TBX15: variants seen among roughly 807,000 people sequenced by gnomAD.
The protein encoded by TBX15 is T-box transcription factor TBX15.
TBX15 carries 18 observed loss-of-function variants against 53.9 expected under a neutral mutation model. The ratio of observed to expected loss-of-function variants is 0.33; its 90% confidence interval spans 0.23 to 0.49. The LOEUF (loss-of-function observed/expected upper bound fraction) is 0.49, where lower values mean the gene tolerates loss of function less well. Among genes scored for constraint, TBX15 ranks in the 20% least tolerant of loss-of-function variants. The pLI is 0.98. For synonymous variants in TBX15, 295 were observed against 278.0 expected, an observed-to-expected ratio of 1.06 and a Z score of -0.61; for missense variants, 692 against 749.5, an observed-to-expected ratio of 0.92 and a Z score of 0.90.
chr1:118,884,578 T>G lies in TBX15; in HGVS notation c.*154A>C, dbSNP rs1653853557. 5 of 916,560 alleles carry G rather than the reference T, an allele frequency of 5.5e-6. No individual in the cohort carries two copies. The African/African-American group carries it at 8.5e-5, about 16-fold the overall frequency. 56.8% of individuals were successfully genotyped at this position (916,560 alleles called of 1,614,324 possible). On this transcript the variant is annotated 3_prime_UTR_variant, in exon 8 of 8. Coordinates refer to ENST00000369429, the MANE Select transcript of TBX15 (RefSeq NM_001330677.2). ...TCCTTCACTGGCTTAAAGGTATCTC[T>G]TGTTCTTGGGTATATGTCTTCGGCC...
chr1:118,900,457 G>A (rs1006677433), intron 6 of TBX15, among the ~76,000 whole-genome samples: 6 of 152,116 alleles, frequency 3.9e-5, no homozygotes, highest in Non-Finnish European at 7.4e-5. Context: ...CTGCTGATAC[G>A]CTGATTGACT....
intron 1 of TBX15, among the ~76,000 whole-genome samples, chr1:118,944,652 C>T (rs1656289215): frequency 6.6e-6 from 1 of 152,186 alleles, no homozygotes; most frequent in Non-Finnish European, 1.5e-5. Flanking sequence ...GTTGCTCCTA[C>T]CCTCCTCCCC....
At chr1:118,988,821 A>G (rs961724314), upstream of TBX15, among the ~76,000 whole-genome samples, 2 of 152,212 alleles carry the variant, frequency 1.3e-5, no homozygotes, top group Non-Finnish European at 2.9e-5. Flanking sequence ...TAATGTTCCT[A>G]CTGAACGTTT....
chr1:118,940,103 C>A (rs1656120911), intron 1 of TBX15, among the ~76,000 whole-genome samples: 1 of 151,896 alleles, frequency 6.6e-6, no homozygotes, highest in African/African-American at 2.4e-5. Context: ...ACATCCTACT[C>A]TGAACTCAGA....
intron 1 of TBX15, among the ~76,000 whole-genome samples, chr1:118,954,134 T>C (rs1207161153): frequency 1.3e-5 from 2 of 152,132 alleles, no homozygotes; most frequent in East Asian, 3.8e-4. Flanking sequence ...CAAATCAAAC[T>C]GTAATAGGAA....
chr1:118,957,082 C>A (rs1002001569), intron 1 of TBX15, among the ~76,000 whole-genome samples: 1 of 152,196 alleles, frequency 6.6e-6, no homozygotes, highest in South Asian at 2.1e-4. Context: ...CTGCCTACCT[C>A]CATTCCTGTG....
intron 1 of TBX15, among the ~76,000 whole-genome samples, chr1:118,971,706 G>A (rs1377320424): frequency 2.6e-5 from 4 of 152,182 alleles, no homozygotes; most frequent in African/African-American, 9.7e-5. Context: ...AATTGTGTGA[G>A]TGTGCATATA....
chr1:118,968,008 G>A (rs544324358), intron 1 of TBX15, among the ~76,000 whole-genome samples: 1 of 152,164 alleles, frequency 6.6e-6, no homozygotes, highest in Non-Finnish European at 1.5e-5. Context: ...CTTAGCTACA[G>A]TAATGAATAT....
In TBX15 at chr1:118,885,283, C is replaced by T; in HGVS notation, c.1258G>A (p.Gly420Ser). The stretch of plus-strand genomic sequence containing the variant: ...GTGCCACTCTGAAGCCTGTTGTAGC[C>T]ACTGTCACTCAGCCCTGGGTAGCTC... ...LQSYPGLSDS[G>S]YNRLQSGTTS... Residue 420 changes from glycine (G) to serine (S), a missense_variant, in exon 8 of 8, where the codon GGC becomes AGC. Coordinates refer to ENST00000369429, the MANE Select transcript of TBX15 (RefSeq NM_001330677.2). The T allele has an allele frequency of 1.9e-6, 3 of 1,614,104 alleles. No homozygotes were observed. The highest frequency in any genetic ancestry group is 2.5e-6 in the Non-Finnish European group (3 of 1,180,024).
At chr1:118,924,234 T>A (rs1655519764) in intron 4 of TBX15, among the ~76,000 whole-genome samples, 1 of 152,212 alleles carries the variant, frequency 6.6e-6, no homozygotes, top group Non-Finnish European at 1.5e-5. Context: ...GCCTTAAGAT[T>A]TAGTCTTCCC....
intron 1 of TBX15, among the ~76,000 whole-genome samples, chr1:118,962,780 G>T (rs1656921184): frequency 1.3e-5 from 2 of 152,094 alleles, no homozygotes; most frequent in African/African-American, 2.4e-5. Flanking sequence ...CTAGAAAATT[G>T]GTGACAATGA....
intron 6 of TBX15, among the ~76,000 whole-genome samples, chr1:118,910,368 T>A (rs953994720): frequency 6.6e-6 from 1 of 152,212 alleles, no homozygotes; most frequent in African/African-American, 2.4e-5. Flanking sequence ...AGTCACTTGA[T>A]GTCTAAAATG....
intron 1 of TBX15, among the ~76,000 whole-genome samples, chr1:118,939,123 C>G (rs752827975): frequency 3.3e-5 from 5 of 152,036 alleles, no homozygotes; most frequent in African/African-American, 4.8e-5. Context: ...AACGCAGGAG[C>G]AGGCCAGGCC....
chr1:118,942,663 T>C (rs1308256659), intron 1 of TBX15, among the ~76,000 whole-genome samples: 1 of 152,204 alleles, frequency 6.6e-6, no homozygotes, highest in Non-Finnish European at 1.5e-5. Flanking sequence ...TGGCGAGGTC[T>C]GACCCGAAAT....
intron 1 of TBX15, among the ~76,000 whole-genome samples, chr1:118,972,740 C>T (rs375082892): frequency 5.3e-5 from 8 of 152,070 alleles, no homozygotes; most frequent in African/African-American, 1.2e-4. Flanking sequence ...GCTGGGATTA[C>T]GGGTGCCCAC....
chr1:118,987,592 C>A lies in TBX15; in HGVS notation c.204G>T (p.Pro68=). Residue 68 remains proline, a splice_region_variant and synonymous_variant, in exon 1 of 8, where the codon CCG becomes CCT. Coordinates refer to ENST00000369429, the MANE Select transcript of TBX15 (RefSeq NM_001330677.2). ...CGCGGTCGGCTGCGACGCACTCACC[C>A]GGGTGAGGCTCCAGGCCGTGTGCCG... ...DAAAHGLEPH[P]DSEQSTGSDS... 1 of 1,546,108 alleles carries A rather than the reference C, an allele frequency of 6.5e-7. No individual in the cohort carries two copies.
chr1:118,957,817 C>T (rs1000377149), intron 1 of TBX15, among the ~76,000 whole-genome samples: 1 of 152,126 alleles, frequency 6.6e-6, no homozygotes, highest in African/African-American at 2.4e-5. Flanking sequence ...TTTTTTATGG[C>T]TGCATAGTAT....
At chr1:118,973,749 G>A (rs1265495930) in intron 1 of TBX15, among the ~76,000 whole-genome samples, 1 of 151,724 alleles carries the variant, frequency 6.6e-6, no homozygotes, top group East Asian at 1.9e-4. Context: ...CCTCAGCACC[G>A]CCCCCAACAC....
chr1:118,915,144 A>G (rs937346877), intron 5 of TBX15, among the ~76,000 whole-genome samples: 2 of 152,154 alleles, frequency 1.3e-5, no homozygotes, highest in Admixed American at 1.3e-4. Context: ...TTAATGACTC[A>G]CTACATGCAA....
Sources: gnomAD v4.1 joint callset for allele counts (sites outside exome capture counted in the v4.1 genomes callset) on GRCh38, gnomAD v4.1.1 for gene constraint, MANE v1.5 for transcripts, NCBI Gene and HGNC (gene_info 2026-07-23, HGNC 2026-07-21) for gene names.